ZNF83: variants seen among roughly 807,000 people sequenced by gnomAD.
ZNF83 encodes zinc finger protein 816B.
For missense variants in ZNF83, 552 were observed against 629.9 expected (o/e 0.88, Z 1.32); for synonymous variants, 209 against 213.0 (o/e 0.98, Z 0.17).
chr19:52,627,434 G>T (rs2060786019), intron 2 of ZNF83, among the ~76,000 whole-genome samples: 1 of 152,020 alleles, frequency 6.6e-6, no homozygotes, highest in Non-Finnish European at 1.5e-5. Flanking sequence ...GGCCGAGGTG[G>T]GTGGATCACC....
intron 1 of ZNF83, among the ~76,000 whole-genome samples, chr19:52,678,636 C>T (rs914622109): frequency 7.9e-5 from 12 of 151,834 alleles, no homozygotes; most frequent in African/African-American, 2.9e-4. Context: ...ATGCCAGGCC[C>T]TCATATCCTC....
At chr19:52,678,575 A>G (rs980642144) in intron 1 of ZNF83, among the ~76,000 whole-genome samples, 1 of 152,106 alleles carries the variant, frequency 6.6e-6, no homozygotes, top group African/African-American at 2.4e-5. Context: ...ACTTTTAAAC[A>G]CAATCTCTGG....
chr19:52,671,370 A>G (rs1185922719), intron 1 of ZNF83, among the ~76,000 whole-genome samples: 1 of 152,194 alleles, frequency 6.6e-6, no homozygotes, highest in Non-Finnish European at 1.5e-5. Context: ...TAATTTATAA[A>G]TGTATTGTAA....
intron 2 of ZNF83, among the ~76,000 whole-genome samples, chr19:52,631,451 G>A (rs567550063): frequency 6.6e-6 from 1 of 152,228 alleles, no homozygotes; most frequent in East Asian, 1.9e-4. Context: ...TACTTTTAGA[G>A]GCCCTCAAAA....
chr19:52,643,578 G>A (rs651023), intron 3 of ZNF83, among the ~76,000 whole-genome samples: 120,141 of 151,736 alleles, frequency 0.79, 47,983 homozygotes, highest in African/African-American at 0.9. Context: ...GCATGCACCT[G>A]TAGTCCCAGC....
chr19:52,677,268 T>A (rs74176160), intron 1 of ZNF83, among the ~76,000 whole-genome samples: 31,974 of 148,998 alleles, frequency 0.21, 3,645 homozygotes, highest in Non-Finnish European at 0.24. Context: ...GTGAGGGGCA[T>A]TTTGCTTTTG....
chr19:52,660,705 C>T (rs564507034), intron 2 of ZNF83: 6 of 178,040 alleles, frequency 3.4e-5, no homozygotes, highest in African/African-American at 1.4e-4. Context: ...CTGCCTACTA[C>T]AATACCTGGT....
intron 1 of ZNF83, among the ~76,000 whole-genome samples, chr19:52,673,723 C>CA (rs905009349): frequency 1.3e-5 from 2 of 151,284 alleles, no homozygotes; most frequent in African/African-American, 4.9e-5. Context: ...GACTCCAACT[C>CA]AAAAAAATAA....
chr19:52,675,533 C>T (rs1049919080), intron 1 of ZNF83, among the ~76,000 whole-genome samples: 2 of 152,052 alleles, frequency 1.3e-5, no homozygotes, highest in Non-Finnish European at 2.9e-5. Context: ...AAGCGGCCTC[C>T]TATAATTTTG....
chr19:52,689,967 G>A (rs1305763118), intron 1 of ZNF83, among the ~76,000 whole-genome samples: 2 of 152,208 alleles, frequency 1.3e-5, no homozygotes, highest in Non-Finnish European at 2.9e-5. Flanking sequence ...CCGGCACGAG[G>A]AGGGAGGTGG....
chr19:52,678,311 A>G (rs1374503949), intron 1 of ZNF83, among the ~76,000 whole-genome samples: 1 of 151,532 alleles, frequency 6.6e-6, no homozygotes, highest in East Asian at 2.0e-4. Context: ...TTAGCCAGGC[A>G]TGGTGGCAGG....
intron 1 of ZNF83, among the ~76,000 whole-genome samples, chr19:52,679,250 C>T (rs1053225764): frequency 3.3e-5 from 5 of 152,168 alleles, no homozygotes; most frequent in African/African-American, 2.4e-5. Flanking sequence ...TTAGAGAAGA[C>T]GATCATTAGT....
In ZNF83 at chr19:52,635,047, A is replaced by C; in HGVS notation, c.-234+19T>G. ...TGAAAGGAAAGAGACAGAACAATCC[A>C]CCGAGAATATCATCTCACCTGAGGA... On this transcript the variant is annotated intron_variant, in intron 2 of 2. Transcript: ENST00000301096. 1.4e-6 allele frequency: 1 copy of C among 736,704 alleles called. No homozygotes were observed. Among genetic ancestry groups the C allele is most frequent in the Non-Finnish European group, 2.5e-6 (1 of 402,584 alleles). The allele number at this position is 736,704 out of a possible 1,614,324, so 45.6% of individuals were successfully genotyped here.
chr19:52,613,871 G>GT, exon 3 of ZNF83: 1 of 1,614,134 alleles, frequency 6.2e-7, no homozygotes, highest in South Asian at 1.1e-5. Context: ...CATTCGTAAG[G>GT]TTTTTCTCCA....
upstream of ZNF83, chr19:52,638,478 G>A (rs1730807511): frequency 6.7e-6 from 1 of 149,098 alleles, no homozygotes; most frequent in African/African-American, 2.5e-5. Flanking sequence ...AACCAGCAGT[G>A]GGCGGGGCCA....
intron 2 of ZNF83, among the ~76,000 whole-genome samples, chr19:52,633,909 AAAAT>A (rs1372985943): frequency 6.6e-6 from 1 of 152,034 alleles, no homozygotes; most frequent in African/African-American, 2.4e-5. Context: ...AAACTCTCTC[AAAAT>A]AAATAAATAA....
chr19:52,619,211 C>T (rs2060439848), intron 2 of ZNF83: 1 of 1,577,868 alleles, frequency 6.3e-7, no homozygotes, highest in African/African-American at 1.4e-5. Flanking sequence ...GATGTCTTCC[C>T]AGTGGTGTTT....
chr19:52,667,063 G>T (rs1289665928), intron 1 of ZNF83, among the ~76,000 whole-genome samples: 1 of 152,152 alleles, frequency 6.6e-6, no homozygotes, highest in Non-Finnish European at 1.5e-5. Context: ...TAATAGCAAA[G>T]AATTGAAATC....
At chr19:52,664,672 C>A (rs2147289685) in intron 1 of ZNF83, among the ~76,000 whole-genome samples, 1 of 142,872 alleles carries the variant, frequency 7.0e-6, no homozygotes, top group East Asian at 2.1e-4. Context: ...CGGGCCTGAG[C>A]AAGGCCAGGA....
Sources: allele counts gnomAD v4.1 joint callset (sites outside exome capture counted in the v4.1 genomes callset), GRCh38; gene constraint gnomAD v4.1.1; transcripts MANE v1.5; gene names NCBI Gene and HGNC (gene_info 2026-07-23, HGNC 2026-07-21).